Variants in MAP3K14 observed in about 807,000 individuals in gnomAD.
The protein encoded by MAP3K14 is mitogen-activated protein kinase kinase kinase 14.
A neutral mutation model predicts 99.2 loss-of-function variants in MAP3K14; 16 were observed. The observed-to-expected ratio is 0.16, with a 90% CI of 0.11 to 0.24. The LOEUF is 0.24. Among genes scored for constraint, MAP3K14 ranks in the 10% least tolerant of loss-of-function variants. MAP3K14 has a pLI of 1.00. For missense variants in MAP3K14, 784 were observed against 1,208.7 expected (o/e 0.65, Z 5.21); for synonymous variants, 462 against 492.4 (o/e 0.94, Z 0.82).
intron 5 of MAP3K14, among the ~76,000 whole-genome samples, chr17:45,285,537 A>G (rs2044257001): frequency 1.3e-5 from 2 of 151,572 alleles, no homozygotes; most frequent in African/African-American, 4.9e-5. Flanking sequence ...GAGGTGGGAG[A>G]ATCACTTGAA....
chr17:45,295,651 G>A (rs1400848314), intron 1 of MAP3K14, among the ~76,000 whole-genome samples: 2 of 152,182 alleles, frequency 1.3e-5, no homozygotes. Flanking sequence ...TGCAGAGGTG[G>A]GGTTGAACCT....
chr17:45,273,671 G>T, intron 8 of MAP3K14, 64 bp from the exon 9 acceptor site: 1 of 1,293,474 alleles, frequency 7.7e-7, no homozygotes, highest in Non-Finnish European at 1.1e-6. Flanking sequence ...GCCCACCCTG[G>T]CTCGGTTTGG....
intron 1 of MAP3K14, among the ~76,000 whole-genome samples, chr17:45,296,111 G>A (rs2044344771): frequency 6.6e-6 from 1 of 152,162 alleles, no homozygotes; most frequent in South Asian, 2.1e-4. Flanking sequence ...AGCAGAAGTA[G>A]AATGACTCAA....
At position 45,270,465 on chromosome 17, in the gene MAP3K14, G is replaced by A; in HGVS notation, c.1920C>T (p.His640=). 1 of 1,612,170 alleles carries A rather than the reference G, an allele frequency of 6.2e-7. No individual in the cohort carries two copies. The highest frequency in any genetic ancestry group is 8.5e-7 in the Non-Finnish European group (1 of 1,179,446). The change falls in exon 11 of 16, where the codon CAC becomes CAT. Residue 640 remains histidine (H), a synonymous_variant. Transcript: ENST00000344686. ...CTCCCAGCTCCGCTGCAGACACGCG[G>A]TGGATGGGCTCTTTCCTCAGCCCCT... is the stretch of plus-strand genomic sequence containing the variant. The part of the protein sequence containing the change: ...IQEGLRKEPI[H]RVSAAELGGK...
rs17846852 is a variant in MAP3K14, at chr17:45,289,146, G to A, written c.326+90C>T. ...ACAGGTGCTGAGGGAGGGAGCCCGG[G>A]GTCAGCAGGAGCGGCCCAGGCAAGT... is the stretch of plus-strand genomic sequence containing the variant. On this transcript the variant is annotated intron_variant, in intron 3 of 15. Coordinates refer to ENST00000344686, the MANE Select transcript of MAP3K14 (RefSeq NM_003954.5). 7.4e-4 allele frequency: 844 copies of A among 1,145,662 alleles called. 5 individuals carry two copies. The highest frequency in any genetic ancestry group is 7.1e-3 in the East Asian group (286 of 40,124). 71.0% of individuals were successfully genotyped at this position (1,145,662 alleles called of 1,614,324 possible).
chr17:45,303,721 T>C (rs1439996841), intron 1 of MAP3K14, among the ~76,000 whole-genome samples: 1 of 151,794 alleles, frequency 6.6e-6, no homozygotes, highest in Non-Finnish European at 1.5e-5. Context: ...ACTATACATA[T>C]ATAAACATAT....
At position 45,274,150 on chromosome 17, in the gene MAP3K14, G is replaced by T. The variant is rs200666941; in HGVS notation, c.1525C>A (p.Arg509=). 206 of 1,607,736 alleles carry T rather than the reference G, an allele frequency of 1.3e-4. No homozygotes were observed. The African/African-American group carries it at 2.4e-3, about 19-fold the overall frequency. Residue 509 remains arginine, a synonymous_variant, in exon 8 of 16, where the codon CGA becomes AGA. Coordinates refer to ENST00000344686, the MANE Select transcript of MAP3K14 (RefSeq NM_003954.5). ...TTGACGTCCCCATGCAGAATCCTTC[G>T]TGAGTGGAGGTATTCCAGACCCTCC... ...ALEGLEYLHS[R]RILHGDVKAD...
At chr17:45,288,660 G>A (rs1235929707) in intron 3 of MAP3K14, among the ~76,000 whole-genome samples, 1 of 152,130 alleles carries the variant, frequency 6.6e-6, no homozygotes, top group Non-Finnish European at 1.5e-5. Context: ...ATAGGTGAGA[G>A]CCATTGTGCC....
At chr17:45,290,983 A>T (rs901989281) in intron 1 of MAP3K14, 8 of 521,462 alleles carry the variant, frequency 1.5e-5, no homozygotes, top group Non-Finnish European at 2.8e-5. Flanking sequence ...CGGTCCTCCC[A>T]GTACCACAAC....
chr17:45,290,384 T>G, intron 2 of MAP3K14, 106 bp downstream of exon 2: 2 of 1,352,524 alleles, frequency 1.5e-6, no homozygotes, highest in Non-Finnish European at 2.0e-6. Flanking sequence ...GAATCTTATC[T>G]AGCAGTGACA....
chr17:45,283,209 C>G (rs1266418008), intron 6 of MAP3K14, among the ~76,000 whole-genome samples: 1 of 152,232 alleles, frequency 6.6e-6, no homozygotes, highest in Non-Finnish European at 1.5e-5. Context: ...TCTCTTCACA[C>G]TCTCACACTC....
intron 1 of MAP3K14, among the ~76,000 whole-genome samples, chr17:45,293,619 G>A (rs1193488061): frequency 6.6e-6 from 1 of 152,198 alleles, no homozygotes; most frequent in Non-Finnish European, 1.5e-5. Flanking sequence ...TGAAGGACAT[G>A]GGGAAAACAG....
Position 45,286,009 on chromosome 17 carries a change from A to C in MAP3K14, c.1152+422T>G, listed in dbSNP as rs9890734. ...AGTGGATGGATGGAATAAAACCCGG[A>C]AATCAAAGTTTGATAAAATCATTTA... On this transcript the variant is annotated intron_variant, in intron 5 of 15. Transcript: ENST00000344686. The surrounding 1 kb of genome is among the most constrained non-coding windows in gnomAD (Gnocchi z 4.1). Among the ~76,000 whole-genome samples, 427 of 152,114 alleles carry C rather than the reference A, an allele frequency of 2.8e-3. 4 individuals are homozygous for C. The highest frequency in any genetic ancestry group is 9.7e-3 in the African/African-American group (403 of 41,512).
intron 1 of MAP3K14, among the ~76,000 whole-genome samples, chr17:45,306,537 G>C (rs2044431156): frequency 6.6e-6 from 1 of 152,184 alleles, no homozygotes. Context: ...GCCCACCCAG[G>C]CCTGACATAG....
chr17:45,308,216 G>A lies in MAP3K14; in HGVS notation c.-21+8744C>T, dbSNP rs565278223. On this transcript the variant is annotated intron_variant, in intron 1 of 15. Transcript: ENST00000344686. ...TCAAGTCTTGTACTTTCACTCAACAGCAAATATTTAATCAGTGGCTACCAT... is the reference window on the plus strand; with the variant it reads ...TCAAGTCTTGTACTTTCACTCAACAACAAATATTTAATCAGTGGCTACCAT... Among the ~76,000 whole-genome samples, 4 of 152,348 alleles carry A rather than the reference G, an allele frequency of 2.6e-5. No individual in the cohort carries two copies. In the East Asian group the frequency reaches 7.7e-4, roughly 29 times the overall value.
chr17:45,267,483 G>C lies in MAP3K14; in HGVS notation c.2249C>G (p.Pro750Arg), dbSNP rs1379745083. Residue 750 changes from proline (P) to arginine (R), a missense_variant, in exon 12 of 16, where the codon CCA becomes CGA. By Grantham distance (103) the Pro-to-Arg change is moderately radical (BLOSUM62 -2). This residue lies in a region of MAP3K14 where 128 missense variants were observed against 143.3 expected (regional missense o/e 0.89). Transcript: ENST00000344686. The surrounding 1 kb of genome is among the most constrained non-coding windows in gnomAD (Gnocchi z 5.1). ...TGAGCTGGGGTTTCTGGCAGGGGCTGGCTCCAGGGAGGACAGAGGTAAGGG... is the reference window on the plus strand; with the variant it reads ...TGAGCTGGGGTTTCTGGCAGGGGCTCGCTCCAGGGAGGACAGAGGTAAGGG... Reference protein sequence around the residue: ...WEPLPLSSLEPAPARNPSSPE... With the variant: ...WEPLPLSSLERAPARNPSSPE... 3.1e-6 allele frequency: 5 copies of C among 1,612,168 alleles called. No individual in the cohort carries two copies. The Admixed American group carries it at 8.4e-5, about 27-fold the overall frequency.
intron 1 of MAP3K14, among the ~76,000 whole-genome samples, chr17:45,302,022 G>T (rs939454789): frequency 6.6e-6 from 1 of 151,876 alleles, no homozygotes; most frequent in Non-Finnish European, 1.5e-5. Context: ...GTAGAGACAG[G>T]GTTTTGCCAT....
At chr17:45,298,723 G>C (rs1021350444) in intron 1 of MAP3K14, among the ~76,000 whole-genome samples, 4 of 152,324 alleles carry the variant, frequency 2.6e-5, no homozygotes, top group African/African-American at 7.2e-5. Context: ...GCATGTACTA[G>C]GTCTGCTGGG....
chr17:45,309,125 A>T (rs531562996), intron 1 of MAP3K14, among the ~76,000 whole-genome samples: 1 of 152,294 alleles, frequency 6.6e-6, no homozygotes, highest in South Asian at 2.1e-4. Context: ...GCAACATTTG[A>T]GCAAATTTCT....
Sources: allele counts gnomAD v4.1 joint callset (sites outside exome capture counted in the v4.1 genomes callset), GRCh38; gene constraint gnomAD v4.1.1; regional missense constraint gnomAD v4.1.1; non-coding constraint Gnocchi (gnomAD v3.1); transcripts MANE v1.5; gene names NCBI Gene and HGNC (gene_info 2026-07-23, HGNC 2026-07-21).